The following CPXM2 variants were observed in gnomAD, a reference collection of about 807,000 sequenced individuals.
CPXM2 encodes carboxypeptidase X, M14 family member 2, also known as inactive carboxypeptidase-like protein X2.
Under a neutral mutation model 86.1 loss-of-function variants are expected in CPXM2, and 66 were observed. That is an observed-to-expected ratio of 0.77 (90% CI 0.63 to 0.94). CPXM2 has a LOEUF of 0.94. Ranked by LOEUF, CPXM2 falls within the 40% of genes least tolerant of loss-of-function variation. The pLI is 0.00. For missense variants in CPXM2, 948 were observed against 1,026.3 expected (o/e 0.92, Z 1.04); for synonymous variants, 388 against 400.2 (o/e 0.97, Z 0.36).
chr10:123,938,408 C>T (rs1276118873), intron 2 of CPXM2, among the ~76,000 whole-genome samples: 1 of 152,240 alleles, frequency 6.6e-6, no homozygotes, highest in African/African-American at 2.4e-5. Context: ...TGGCCAGTGC[C>T]TGCAAATCTC....
intron 1 of CPXM2, among the ~76,000 whole-genome samples, chr10:123,882,924 T>C (rs921721789): frequency 1.4e-5 from 2 of 140,518 alleles, no homozygotes; most frequent in African/African-American, 5.5e-5. Context: ...CAGCTTCTAA[T>C]ACCATGGTTT....
chr10:123,801,604 A>T (rs1330382658), intron 4 of CPXM2, among the ~76,000 whole-genome samples: 3 of 152,062 alleles, frequency 2.0e-5, no homozygotes, highest in Non-Finnish European at 4.4e-5. Context: ...TGCAGGCAAG[A>T]GCTTACTTTT....
Position 123,891,591 on chromosome 10 carries a change from G to A in CPXM2, c.69C>T (p.Val23=), listed in dbSNP as rs1325569457. The change falls in exon 1 of 14, where the codon GTC becomes GTT. Residue 23 remains valine, a synonymous_variant. Transcript: ENST00000241305. This position sits in a 1 kb window ranked among gnomAD's most constrained non-coding sequence, Gnocchi z 5.6. ...CCTCGAGGGCTGCGCCCTGGGCTCCGACCCCGGCCAGGGTCACTGCCAGGA... is the reference window on the plus strand; with the variant it reads ...CCTCGAGGGCTGCGCCCTGGGCTCCAACCCCGGCCAGGGTCACTGCCAGGA... ...LVLLAVTLAG[V]GAQGAALEDP... 6.5e-7 allele frequency: 1 copy of A among 1,530,508 alleles called. No homozygotes were observed. Among genetic ancestry groups the A allele is most frequent in the Admixed American group, 2.1e-5 (1 of 48,520 alleles). 94.8% of individuals were successfully genotyped at this position (1,530,508 alleles called of 1,614,324 possible).
chr10:123,751,706 C>T (rs189203566), intron 13 of CPXM2: 22 of 985,332 alleles, frequency 2.2e-5, no homozygotes, highest in African/African-American at 1.4e-4. Context: ...AAATCCATCC[C>T]GAAATAAAAC....
intron 6 of CPXM2, among the ~76,000 whole-genome samples, chr10:123,791,997 GTGACC>G (rs1227531464): frequency 6.6e-6 from 1 of 152,250 alleles, no homozygotes; most frequent in East Asian, 1.9e-4. Context: ...GGTTCCCCGT[GTGACC>G]TGCCATCTCA....
intron 1 of CPXM2, among the ~76,000 whole-genome samples, chr10:123,886,621 G>A (rs1371030230): frequency 1.3e-5 from 2 of 152,146 alleles, no homozygotes; most frequent in Non-Finnish European, 2.9e-5. Flanking sequence ...TCAAACAGCG[G>A]TGCATTCTCA....
chr10:123,943,103 C>CA (rs1399764314), upstream of CPXM2, among the ~76,000 whole-genome samples: 1 of 152,052 alleles, frequency 6.6e-6, no homozygotes, highest in East Asian at 1.9e-4. Context: ...CACACTATGA[C>CA]AAAATTGCCT....
chr10:123,853,822 T>C (rs943924291), intron 3 of CPXM2, among the ~76,000 whole-genome samples: 1 of 152,086 alleles, frequency 6.6e-6, no homozygotes, highest in Admixed American at 6.5e-5. Flanking sequence ...CAAGAATCAC[T>C]TGAACCCGGG....
chr10:123,891,959 A>C (rs1945284664), upstream of CPXM2: 2 of 151,782 alleles, frequency 1.3e-5, no homozygotes, highest in Admixed American at 1.3e-4. This position sits in a 1 kb window ranked among gnomAD's most constrained non-coding sequence, Gnocchi z 5.6. Context: ...CAGGTGTTCC[A>C]AGCAGCCAAG....
intron 3 of CPXM2, among the ~76,000 whole-genome samples, chr10:123,861,396 G>T (rs952209392): frequency 1.3e-5 from 2 of 152,232 alleles, no homozygotes; most frequent in African/African-American, 4.8e-5. Flanking sequence ...TCAGCAGGAG[G>T]TGGGGCAGGA....
At chr10:123,809,596 T>TAC (rs777649652) in intron 4 of CPXM2, among the ~76,000 whole-genome samples, 1 of 151,996 alleles carries the variant, frequency 6.6e-6, no homozygotes, top group Admixed American at 6.6e-5. Flanking sequence ...ATAGATAACA[T>TAC]ACACACACAC....
chr10:123,893,632 C>T (rs182869000), upstream of CPXM2, among the ~76,000 whole-genome samples: 1 of 152,242 alleles, frequency 6.6e-6, no homozygotes, highest in East Asian at 1.9e-4. Context: ...CTTCCCCACC[C>T]ACCACTCTTT....
upstream of CPXM2, among the ~76,000 whole-genome samples, chr10:123,940,962 G>A (rs1461292463): frequency 6.6e-6 from 1 of 152,152 alleles, no homozygotes; most frequent in Non-Finnish European, 1.5e-5. Context: ...ACGAGGTCAG[G>A]AGATCGAGAC....
chr10:123,766,369 A>G (rs1846472010), intron 10 of CPXM2, among the ~76,000 whole-genome samples: 1 of 152,226 alleles, frequency 6.6e-6, no homozygotes, highest in Non-Finnish European at 1.5e-5. Context: ...TGAACCTAAC[A>G]CTAACTTATA....
intron 2 of CPXM2, among the ~76,000 whole-genome samples, chr10:123,921,419 T>A (rs1945578776): frequency 1.3e-5 from 2 of 152,186 alleles, no homozygotes; most frequent in East Asian, 3.8e-4. Context: ...GATATGCTAG[T>A]GGTAACCACT....
chr10:123,856,353 G>A (rs876814), intron 3 of CPXM2, among the ~76,000 whole-genome samples: 36,532 of 152,128 alleles, frequency 0.24, 5,267 homozygotes, highest in African/African-American at 0.39. Context: ...TTGCCAGCTA[G>A]GAAAATATCC....
chr10:123,842,071 C>T (rs1848398265), intron 4 of CPXM2, among the ~76,000 whole-genome samples: 1 of 152,224 alleles, frequency 6.6e-6, no homozygotes, highest in African/African-American at 2.4e-5. Flanking sequence ...GCCTAAACCG[C>T]CTGGATTTCA....
upstream of CPXM2, among the ~76,000 whole-genome samples, chr10:123,892,384 A>T (rs1914540): frequency 0.33 from 50,442 of 151,652 alleles, 8,936 homozygotes; most frequent in Non-Finnish European, 0.39. Flanking sequence ...CAGTGACGTT[A>T]CCCCAAGGTG....
chr10:123,783,925 G>A (rs964340142), intron 6 of CPXM2, among the ~76,000 whole-genome samples: 2 of 152,100 alleles, frequency 1.3e-5, no homozygotes, highest in South Asian at 2.1e-4. Context: ...CAGAAGTAGC[G>A]CCTGAAATGC....
Sources: allele counts gnomAD v4.1 joint callset (sites outside exome capture counted in the v4.1 genomes callset), GRCh38; gene constraint gnomAD v4.1.1; non-coding constraint Gnocchi (gnomAD v3.1); transcripts MANE v1.5; gene names NCBI Gene and HGNC (gene_info 2026-07-23, HGNC 2026-07-21).